Variants in TNRC6B observed in about 807,000 individuals in gnomAD.
TNRC6B encodes the protein trinucleotide repeat-containing gene 6B protein.
In TNRC6B, 52 loss-of-function variants were observed where a neutral mutation model predicts 203.6. That is an observed-to-expected ratio of 0.26 (90% CI 0.20 to 0.32). TNRC6B has a LOEUF of 0.32. TNRC6B is among the 10% of genes least tolerant of loss of function. TNRC6B has a pLI of 1.00. For synonymous variants in TNRC6B, 838 were observed against 845.7 expected (o/e 0.99, Z 0.16); for missense variants, 1,923 against 2,286.2 (o/e 0.84, Z 3.24).
At chr22:40,079,986 G>A (rs2068051770) in intron 1 of TNRC6B, among the ~76,000 whole-genome samples, 1 of 151,868 alleles carries the variant, frequency 6.6e-6, no homozygotes, top group Admixed American at 6.6e-5. Context: ...TAGTAGAGAT[G>A]GGGTTTCACT....
chr22:40,228,992 G>GACCTAAGGTGTCCTTTGA (rs1462811462), intron 1 of TNRC6B, among the ~76,000 whole-genome samples: 1 of 152,126 alleles, frequency 6.6e-6, no homozygotes. Flanking sequence ...CTTACATTAA[G>GACCTAAGGTGTCCTTTGA]ACCTAAGGTG....
chr22:40,102,064 A>C (rs989992380), intron 1 of TNRC6B, among the ~76,000 whole-genome samples: 1 of 152,238 alleles, frequency 6.6e-6, no homozygotes, highest in African/African-American at 2.4e-5. Flanking sequence ...ACTATGGTAC[A>C]TTTGTGTATA....
chr22:40,125,650 G>GT, intron 2 of TNRC6B: 1 of 607,960 alleles, frequency 1.6e-6, no homozygotes, highest in Admixed American at 3.4e-5. Context: ...CACACACAAA[G>GT]TTACTCAAAG....
At chr22:40,062,296 G>A (rs1196064429) in intron 1 of TNRC6B, among the ~76,000 whole-genome samples, 1 of 152,092 alleles carries the variant, frequency 6.6e-6, no homozygotes, top group Admixed American at 6.5e-5. Flanking sequence ...TGCCTTCTGG[G>A]TTTAGGCAGT....
intron 6 of TNRC6B, 51 bp downstream of exon 6, chr22:40,270,331 T>TTTC (rs2070543584): frequency 7.3e-6 from 9 of 1,235,418 alleles, no homozygotes; most frequent in Non-Finnish European, 9.4e-6. Context: ...TTTTTTTTTT[T>TTTC]AATTGAGACG....
intron 1 of TNRC6B, among the ~76,000 whole-genome samples, chr22:40,087,125 G>C (rs1368032855): frequency 6.6e-6 from 1 of 151,914 alleles, no homozygotes; most frequent in Non-Finnish European, 1.5e-5. Context: ...TTTTGTGTTT[G>C]GTGTAAGTAA....
intron 6 of TNRC6B, 150 bp from the exon 7 acceptor site, chr22:40,273,275 C>T: frequency 1.4e-6 from 1 of 725,478 alleles, no homozygotes; most frequent in Non-Finnish European, 2.1e-6. Context: ...TTCCTGCTCT[C>T]TAAAAAATGA....
In TNRC6B at chr22:40,281,384, T is replaced by C. The variant is rs2070719455; in HGVS notation, c.3582+95T>C. The C allele has an allele frequency of 3.6e-6, 4 of 1,103,524 alleles. No individual in the cohort carries two copies. In the South Asian group the frequency reaches 6.3e-5, roughly 17 times the overall value. 68.4% of individuals were successfully genotyped at this position (1,103,524 alleles called of 1,614,324 possible). On this transcript the variant is annotated intron_variant, in intron 11 of 22. Coordinates refer to ENST00000454349, the MANE Select transcript of TNRC6B (RefSeq NM_001162501.2). ...GCATCATTTGTCTGTCTTGGGAAATTTGTTGATTACTGAATGCACAGAATG... is the reference window on the plus strand; with the variant it reads ...GCATCATTTGTCTGTCTTGGGAAATCTGTTGATTACTGAATGCACAGAATG...
intron 3 of TNRC6B, among the ~76,000 whole-genome samples, chr22:40,258,071 C>CTTTTTTTTTTTT (rs56078653): frequency 0.067 from 1,934 of 28,684 alleles, 304 homozygotes; most frequent in Non-Finnish European, 0.097. Context: ...GATACACAGC[C>CTTTTTTTTTTTT]TTTTTTTTTT....
chr22:40,272,022 T>C (rs1222039685), intron 6 of TNRC6B, among the ~76,000 whole-genome samples: 1 of 152,226 alleles, frequency 6.6e-6, no homozygotes, highest in Non-Finnish European at 1.5e-5. Flanking sequence ...CACTTGCATG[T>C]CTTCATTTTT....
chr22:40,046,482 A>G (rs922897447), intron 1 of TNRC6B, among the ~76,000 whole-genome samples: 2 of 152,228 alleles, frequency 1.3e-5, no homozygotes, highest in African/African-American at 4.8e-5. Flanking sequence ...ACTATTATTA[A>G]GGGCTTATCC....
intron 1 of TNRC6B, 97 bp downstream of exon 1, chr22:40,178,237 C>A: frequency 7.2e-7 from 1 of 1,383,546 alleles, no homozygotes; most frequent in Admixed American, 1.8e-5. Flanking sequence ...ATTTGTCTAG[C>A]ATGGAGACTG....
At chr22:40,184,759 A>T (rs1484511985) in intron 1 of TNRC6B, among the ~76,000 whole-genome samples, 1 of 152,060 alleles carries the variant, frequency 6.6e-6, no homozygotes, top group African/African-American at 2.4e-5. Context: ...GTATGAGAAG[A>T]TGGGGTTGGA....
Position 40,264,866 on chromosome 22 carries a change from C to T in TNRC6B, c.636C>T (p.Ser212=), listed in dbSNP as rs775526300. 44 of 1,613,854 alleles carry T rather than the reference C, an allele frequency of 2.7e-5. No homozygotes were observed. The highest frequency in any genetic ancestry group is 6.7e-5 in the East Asian group (3 of 44,880). ...CIASKDTESS[S]ENTTDNNSAS... is the part of the protein sequence containing the mutation. Reference sequence around the variant, plus strand: ...CCAGCAAAGACACTGAATCTTCTTCCGAAAACACCACCGATAACAACAGTG... The same window carrying T: ...CCAGCAAAGACACTGAATCTTCTTCTGAAAACACCACCGATAACAACAGTG... The change falls in exon 5 of 23, where the codon TCC becomes TCT. Residue 212 remains serine (S), a synonymous_variant. Coordinates refer to ENST00000454349, the MANE Select transcript of TNRC6B (RefSeq NM_001162501.2).
chr22:40,203,312 G>C (rs1337158198), intron 1 of TNRC6B, among the ~76,000 whole-genome samples: 1 of 152,018 alleles, frequency 6.6e-6, no homozygotes, highest in African/African-American at 2.4e-5. Flanking sequence ...TTCCCACCAG[G>C]GTTGTTTCTG....
At chr22:40,064,989 C>T (rs1458998353) in intron 1 of TNRC6B, among the ~76,000 whole-genome samples, 1 of 151,748 alleles carries the variant, frequency 6.6e-6, no homozygotes, top group Non-Finnish European at 1.5e-5. Flanking sequence ...CATCTATGTT[C>T]ATAAGAGATA....
At position 40,228,659 on chromosome 22, in the gene TNRC6B, A is replaced by G. The variant is rs2069825052; in HGVS notation, c.6-17356A>G. ...CTCAGCCTCCCGAGTAGCTGGGACT[A>G]CAGGAGCCCGCCACCATGCCTGGCT... On this transcript the variant is annotated intron_variant, in intron 1 of 22. Coordinates refer to ENST00000454349, the MANE Select transcript of TNRC6B (RefSeq NM_001162501.2). 2.7e-5 allele frequency among the ~76,000 whole-genome samples: 4 copies of G among 150,298 alleles called. No individual in the cohort carries two copies. In the South Asian group the frequency reaches 6.3e-4, roughly 24 times the overall value.
intron 1 of TNRC6B, among the ~76,000 whole-genome samples, chr22:40,179,969 AATAAAT>A (rs775898512): frequency 1.3e-5 from 2 of 152,244 alleles, no homozygotes; most frequent in African/African-American, 2.4e-5. Context: ...TAGTAATGGT[AATAAAT>A]ACAGAAGTGA....
At chr22:40,099,114 G>T (rs183220209) in intron 1 of TNRC6B, among the ~76,000 whole-genome samples, 1 of 152,158 alleles carries the variant, frequency 6.6e-6, no homozygotes, top group East Asian at 1.9e-4. Context: ...GCCGGGCACC[G>T]TGGTGGACGC....
Sources: gnomAD v4.1 joint callset for allele counts (sites outside exome capture counted in the v4.1 genomes callset) on GRCh38, gnomAD v4.1.1 for gene constraint, MANE v1.5 for transcripts, NCBI Gene and HGNC (gene_info 2026-07-23, HGNC 2026-07-21) for gene names.